Variants in AHCY observed in about 807,000 individuals in gnomAD.
AHCY encodes the protein S-adenosyl-L-homocysteine hydrolase.
AHCY carries 24 observed loss-of-function variants against 45.4 expected under a neutral mutation model. That is an observed-to-expected ratio of 0.53 (90% CI 0.38 to 0.74). AHCY has a LOEUF of 0.74. Ranked by LOEUF, AHCY falls within the 30% of genes least tolerant of loss-of-function variation. AHCY has a pLI of 0.00. For synonymous variants in AHCY, 245 were observed against 235.1 expected, an observed-to-expected ratio of 1.04 and a Z score of -0.39; for missense variants, 449 against 594.1, an observed-to-expected ratio of 0.76 and a Z score of 2.54.
the AHCY span, chr20:34,269,345 C>A: frequency 9.3e-6 from 7 of 749,250 alleles, no homozygotes; most frequent in South Asian, 9.9e-5. Context: ...ATAGGCTGCT[C>A]GAAGGTGTGC....
the AHCY span, chr20:34,268,847 G>C: frequency 1.0e-6 from 1 of 980,818 alleles, no homozygotes; most frequent in Admixed American, 2.3e-5. Flanking sequence ...GAATCTGACT[G>C]GGGGAGCGGG....
At chr20:34,284,941 C>G (rs1174319526) in intron 9 of AHCY, among the ~76,000 whole-genome samples, 3 of 152,206 alleles carry the variant, frequency 2.0e-5, no homozygotes, top group Admixed American at 2.0e-4. Flanking sequence ...TCAGACGGAC[C>G]TGGGTTCCTA....
intron 8 of AHCY, among the ~76,000 whole-genome samples, chr20:34,288,631 A>G (rs1384274306): frequency 6.6e-6 from 1 of 152,088 alleles, no homozygotes; most frequent in East Asian, 1.9e-4. Context: ...TGATCATGCC[A>G]CTGCCCTCTA....
chr20:34,303,257 AGTTT>A lies in AHCY; in HGVS notation c.10_13del (p.Lys4CysfsTer28). On this transcript the variant is annotated frameshift_variant, in exon 1 of 10. Coordinates refer to ENST00000217426, the MANE Select transcript of AHCY (RefSeq NM_000687.4). LOFTEE classifies it high-confidence loss of function. The stretch of plus-strand genomic sequence containing the variant: ...CTGGGACTCACCGACTTTGTAGGGC[AGTTT>A]GTCAGACATGCTGGCGGCACTCGTG... 1 of 1,551,706 alleles carries A rather than the reference AGTTT, an allele frequency of 6.4e-7. No individual in the cohort carries two copies. The highest frequency in any genetic ancestry group is 8.7e-7 in the Non-Finnish European group (1 of 1,146,960).
chr20:34,248,918 C>A, the AHCY span, among the ~76,000 whole-genome samples: 1 of 149,312 alleles, frequency 6.7e-6, no homozygotes, highest in Non-Finnish European at 1.5e-5. Context: ...TCTAATAATT[C>A]ATCAGCCTGG....
At chr20:34,303,367 G>C (rs953592927), upstream of AHCY, 3 of 1,511,588 alleles carry the variant, frequency 2.0e-6, no homozygotes, top group Non-Finnish European at 9.0e-7. Flanking sequence ...TATGCGCGTG[G>C]CGCCGACGCC....
chr20:34,288,514 A>G (rs1039805743), intron 8 of AHCY, among the ~76,000 whole-genome samples: 17 of 152,116 alleles, frequency 1.1e-4, no homozygotes, highest in African/African-American at 3.9e-4. Context: ...CAAAAAATAA[A>G]AAGTTAGCCA....
chr20:34,249,135 A>T, the AHCY span, among the ~76,000 whole-genome samples: 1 of 152,228 alleles, frequency 6.6e-6, no homozygotes, highest in South Asian at 2.1e-4. Context: ...TCTCGAAAAA[A>T]AAAAATCTAA....
chr20:34,297,968 G>A (rs1327541662), intron 1 of AHCY, among the ~76,000 whole-genome samples: 2 of 152,124 alleles, frequency 1.3e-5, no homozygotes, highest in Admixed American at 6.6e-5. Context: ...GTGAAACCCC[G>A]TCTCTACTAA....
At chr20:34,268,485 G>C in the AHCY span, among the ~76,000 whole-genome samples, 1 of 152,170 alleles carries the variant, frequency 6.6e-6, no homozygotes, top group Non-Finnish European at 1.5e-5. Flanking sequence ...CACTTTGGGA[G>C]GCCGAGGCAG....
At chr20:34,246,733 C>T in the AHCY span, among the ~76,000 whole-genome samples, 2 of 152,208 alleles carry the variant, frequency 1.3e-5, no homozygotes, top group East Asian at 3.8e-4. Context: ...GCTGGGATTA[C>T]AGGCGTGAGC....
chr20:34,262,958 C>T, the AHCY span: 1 of 1,563,964 alleles, frequency 6.4e-7, no homozygotes, highest in East Asian at 2.2e-5. Flanking sequence ...AGAAGGAGGA[C>T]CCCCAACCTC....
the AHCY span, among the ~76,000 whole-genome samples, chr20:34,264,835 A>C: frequency 8.0e-6 from 1 of 124,402 alleles, no homozygotes; most frequent in African/African-American, 3.2e-5. Flanking sequence ...TCACTCTGTC[A>C]CTCAGGCTGG....
chr20:34,275,053 G>A, the AHCY span, among the ~76,000 whole-genome samples: 1 of 151,800 alleles, frequency 6.6e-6, no homozygotes, highest in Admixed American at 6.5e-5. Context: ...GAAGGGATTG[G>A]ACAAGGCAGT....
chr20:34,285,271 C>A (rs1230147677), intron 9 of AHCY, among the ~76,000 whole-genome samples, 169 bp downstream of exon 9: 3 of 152,192 alleles, frequency 2.0e-5, no homozygotes, highest in African/African-American at 4.8e-5. Context: ...CTGTGGGTCT[C>A]AGTTTCTTCT....
chr20:34,280,798 C>T lies in AHCY; in HGVS notation c.*236G>A. On this transcript the variant is annotated 3_prime_UTR_variant, in exon 10 of 10. Coordinates refer to ENST00000217426, the MANE Select transcript of AHCY (RefSeq NM_000687.4). ...TTCCAAGACCACTGAGCTCATGGTT[C>T]CCTGTGGCTGGGACCTCCATCATGA... The T allele has an allele frequency of 1.7e-6, 1 of 581,678 alleles. No homozygotes were observed. The highest frequency in any genetic ancestry group is 3.0e-6 in the Non-Finnish European group (1 of 328,814). The allele number at this position is 581,678 out of a possible 1,614,324, so 36.0% of individuals were successfully genotyped here.
In AHCY at chr20:34,292,343, C is replaced by A; in HGVS notation, c.445+15G>T. 1 of 1,611,660 alleles carries A rather than the reference C, an allele frequency of 6.2e-7. No homozygotes were observed. The highest frequency in any genetic ancestry group is 8.5e-7 in the Non-Finnish European group (1 of 1,179,528). ...AGGCCACCAGCACCCAGCCCACCTG[C>A]CCCGCCCTGCTCACCTGGCAGAAGC... On this transcript the variant is annotated intron_variant, in intron 4 of 9. Transcript: ENST00000217426.
At chr20:34,287,304 A>G (rs2122739450) in intron 8 of AHCY, among the ~76,000 whole-genome samples, 1 of 152,244 alleles carries the variant, frequency 6.6e-6, no homozygotes, top group Non-Finnish European at 1.5e-5. Flanking sequence ...TGGATGCTGC[A>G]CTAGGGGTCT....
chr20:34,233,495 A>G, the AHCY span, among the ~76,000 whole-genome samples: 323 of 152,316 alleles, frequency 2.1e-3, 1 homozygote, highest in African/African-American at 7.5e-3. Context: ...GAAGCCAGCC[A>G]CAAAGACTAC....
Sources: allele counts gnomAD v4.1 joint callset (sites outside exome capture counted in the v4.1 genomes callset), GRCh38; gene constraint gnomAD v4.1.1; transcripts MANE v1.5; gene names NCBI Gene and HGNC (gene_info 2026-07-23, HGNC 2026-07-21).